The following EYS variants were observed in gnomAD, a reference collection of about 807,000 sequenced individuals.
EYS encodes the protein EGF-like photoreceptor maintenance factor, also known as protein eyes shut homolog.
In EYS, 250 loss-of-function variants were observed where a neutral mutation model predicts 282.1. The observed-to-expected ratio is 0.89, with a 90% confidence interval of 0.80 to 0.98. The LOEUF is 0.98. EYS is among the 50% of genes least tolerant of loss of function. The probability of loss-of-function intolerance (pLI) is 0.00; values close to 1 mark genes in which losing one functional copy is unlikely to be tolerated. For missense variants in EYS, 4,016 were observed against 3,709.0 expected (o/e 1.08, Z -2.15); for synonymous variants, 1,355 against 1,282.9 (o/e 1.06, Z -1.20).
intron 2 of EYS, among the ~76,000 whole-genome samples, chr6:65,554,120 A>C (rs1224035498): frequency 3.3e-5 from 5 of 152,138 alleles, no homozygotes; most frequent in Admixed American, 3.3e-4. Flanking sequence ...GCATTCCATC[A>C]CCAGGATCCT....
chr6:64,224,814 T>A (rs1369355104), intron 31 of EYS, among the ~76,000 whole-genome samples: 1 of 150,026 alleles, frequency 6.7e-6, no homozygotes, highest in Non-Finnish European at 1.5e-5. Context: ...GCACACATGC[T>A]ATGAATGCCT....
intron 2 of EYS, among the ~76,000 whole-genome samples, chr6:65,617,125 C>T (rs926954705): frequency 6.6e-6 from 1 of 151,996 alleles, no homozygotes; most frequent in Admixed American, 6.6e-5. Flanking sequence ...ATTTAATGTG[C>T]TTGTTTCTGC....
chr6:64,449,212 C>T (rs990952387), intron 26 of EYS, among the ~76,000 whole-genome samples: 1 of 152,012 alleles, frequency 6.6e-6, no homozygotes, highest in Non-Finnish European at 1.5e-5. Flanking sequence ...GATGAATGCA[C>T]AAGCCTCAGT....
chr6:64,871,190 C>A (rs1766584837), intron 19 of EYS, among the ~76,000 whole-genome samples: 1 of 151,704 alleles, frequency 6.6e-6, no homozygotes, highest in African/African-American at 2.4e-5. Flanking sequence ...TAATAAATAT[C>A]TTTTACATAA....
chr6:64,205,289 C>G (rs1161234453), intron 31 of EYS, among the ~76,000 whole-genome samples: 1 of 151,906 alleles, frequency 6.6e-6, no homozygotes, highest in African/African-American at 2.4e-5. Flanking sequence ...TGTACTATTC[C>G]TTTGTGTTTT....
At chr6:64,073,557 A>G (rs1771664374) in intron 32 of EYS, among the ~76,000 whole-genome samples, 1 of 151,842 alleles carries the variant, frequency 6.6e-6, no homozygotes, top group Non-Finnish European at 1.5e-5. Context: ...AGAAGGGAAA[A>G]GTTAGTGGCA....
At chr6:63,846,583 G>T (rs1772103204) in intron 36 of EYS, among the ~76,000 whole-genome samples, 1 of 152,194 alleles carries the variant, frequency 6.6e-6, no homozygotes, top group Admixed American at 6.5e-5. Context: ...TTTATCCTCT[G>T]GAAAAGATTG....
At chr6:65,289,982 T>C (rs1768478844) in intron 12 of EYS, among the ~76,000 whole-genome samples, 1 of 151,170 alleles carries the variant, frequency 6.6e-6, no homozygotes, top group Non-Finnish European at 1.5e-5. Context: ...AAGTCTTTTC[T>C]TTCAAATGCC....
intron 31 of EYS, among the ~76,000 whole-genome samples, chr6:64,187,479 A>G (rs955950026): frequency 6.6e-6 from 1 of 152,152 alleles, no homozygotes; most frequent in Non-Finnish European, 1.5e-5. Context: ...CAAACTTCAA[A>G]TTACTAAATG....
intron 22 of EYS, among the ~76,000 whole-genome samples, chr6:64,782,065 C>T (rs2149994350): frequency 6.6e-6 from 1 of 152,258 alleles, no homozygotes; most frequent in Middle Eastern, 3.4e-3. Flanking sequence ...TGACTGCCCA[C>T]TTTTAAATGT....
chr6:63,972,486 G>C (rs998905311), intron 35 of EYS, among the ~76,000 whole-genome samples: 1 of 152,172 alleles, frequency 6.6e-6, no homozygotes, highest in African/African-American at 2.4e-5. Context: ...TAGTCCTTAT[G>C]TGTAAGTCCC....
chr6:64,190,398 A>T (rs1203663102), intron 31 of EYS, among the ~76,000 whole-genome samples: 2 of 152,180 alleles, frequency 1.3e-5, no homozygotes, highest in African/African-American at 2.4e-5. Context: ...GTGGGTAATT[A>T]TATCAATTAA....
chr6:64,485,720 A>G (rs73767826), intron 26 of EYS, among the ~76,000 whole-genome samples: 10,321 of 151,578 alleles, frequency 0.068, 739 homozygotes, highest in African/African-American at 0.18. Flanking sequence ...AGCATGTCAT[A>G]TACTCAGTTG....
At chr6:65,656,078 C>T (rs1767812508) in intron 1 of EYS, among the ~76,000 whole-genome samples, 1 of 151,682 alleles carries the variant, frequency 6.6e-6, no homozygotes, top group Non-Finnish European at 1.5e-5. Context: ...TGTTTTGGGG[C>T]ACCACAAACC....
At chr6:65,655,461 A>T (rs1767787975) in intron 1 of EYS, among the ~76,000 whole-genome samples, 1 of 151,764 alleles carries the variant, frequency 6.6e-6, no homozygotes. Flanking sequence ...ATATGTTGAT[A>T]GTGTATCCCC....
chr6:64,947,281 A>G (rs188334384), intron 14 of EYS, among the ~76,000 whole-genome samples: 76 of 152,082 alleles, frequency 5.0e-4, no homozygotes, highest in East Asian at 7.7e-4. Flanking sequence ...TTTTACAAAC[A>G]TAACAATGAA....
At chr6:64,810,422 C>T (rs1583181552) in intron 22 of EYS, among the ~76,000 whole-genome samples, 1 of 151,982 alleles carries the variant, frequency 6.6e-6, no homozygotes, top group African/African-American at 2.4e-5. Flanking sequence ...GCAAACTTGA[C>T]AGCACTTACT....
intron 11 of EYS, among the ~76,000 whole-genome samples, chr6:65,326,005 T>C (rs1345366496): frequency 6.6e-6 from 1 of 152,084 alleles, no homozygotes; most frequent in African/African-American, 2.4e-5. Flanking sequence ...TGCTCTTTGT[T>C]CCCTTTGATC....
intron 35 of EYS, among the ~76,000 whole-genome samples, chr6:63,950,298 A>G (rs1765538897): frequency 6.6e-6 from 1 of 152,084 alleles, no homozygotes; most frequent in South Asian, 2.1e-4. Flanking sequence ...ATCACAAAAG[A>G]AGTGAAAATG....
Sources: allele counts gnomAD v4.1 joint callset (sites outside exome capture counted in the v4.1 genomes callset), GRCh38; gene constraint gnomAD v4.1.1; transcripts MANE v1.5; gene names NCBI Gene and HGNC (gene_info 2026-07-23, HGNC 2026-07-21).